Variants in CENPF observed in about 807,000 individuals in gnomAD.
CENPF encodes the protein AH antigen.
CENPF carries 214 observed loss-of-function variants against 307.3 expected under a neutral mutation model. The observed-to-expected ratio is 0.70, with a 90% CI of 0.62 to 0.78. The LOEUF (loss-of-function observed/expected upper bound fraction) is 0.78, where lower values mean the gene tolerates loss of function less well. CENPF is among the 30% of genes least tolerant of loss of function. CENPF has a pLI of 0.00. For missense variants in CENPF, 3,401 were observed against 3,483.9 expected, an observed-to-expected ratio of 0.98 and a Z score of 0.60; for synonymous variants, 1,259 against 1,270.6, an observed-to-expected ratio of 0.99 and a Z score of 0.19.
rs1170458360 is a variant in CENPF, at chr1:214,656,929, A to G, written c.8486-4A>G. 3 of 1,579,076 alleles carry G rather than the reference A, an allele frequency of 1.9e-6. No individual in the cohort carries two copies. Among genetic ancestry groups the G allele is most frequent in the Non-Finnish European group, 1.7e-6 (2 of 1,162,580 alleles). The stretch of plus-strand genomic sequence containing the variant: ...CACATGATGTGTTGCTTTACTTTGG[A>G]CAGGTACTGTTATGGATACCAAGGT... On this transcript the variant is annotated splice_region_variant and splice_polypyrimidine_tract_variant and intron_variant, in intron 17 of 19. Transcript: ENST00000366955.
Position 214,641,054 on chromosome 1 carries a change from C to G in CENPF, c.2716C>G (p.Leu906Val). 6.4e-7 allele frequency: 1 copy of G among 1,563,176 alleles called. No individual in the cohort carries two copies. The highest frequency in any genetic ancestry group is 8.6e-7 in the Non-Finnish European group (1 of 1,163,408). Residue 906 changes from leucine (L) to valine (V), a missense_variant, in exon 12 of 20, where the codon CTT becomes GTT. Coordinates refer to ENST00000366955, the MANE Select transcript of CENPF (RefSeq NM_016343.4). ...TGTTGTTGCTGAAACCTTAAGTGCCCTTGAGAACAAGGAAAAAGAGCTGCA... is the reference window on the plus strand; with the variant it reads ...TGTTGTTGCTGAAACCTTAAGTGCCGTTGAGAACAAGGAAAAAGAGCTGCA... ...QNVVAETLSA[L>V]ENKEKELQLL...
At chr1:214,639,282 G>T (rs186816669) in intron 11 of CENPF, among the ~76,000 whole-genome samples, 1 of 152,302 alleles carries the variant, frequency 6.6e-6, no homozygotes, top group East Asian at 1.9e-4. Context: ...GGAGTTTGAA[G>T]AAGCTTCCAA....
rs758097490 is a variant in CENPF, at chr1:214,620,930, A to G, written c.849A>G (p.Leu283=). ...NSSSPHLLDQ[L]KAQNQELRNK... is the part of the protein sequence containing the mutation. ...GCAGTCCTCATCTTTTGGATCAATT[A>G]AAAGCGCAGAATCAAGGTAACATTG... The change falls in exon 6 of 20, where the codon TTA becomes TTG. Residue 283 remains leucine (L), a synonymous_variant. Coordinates refer to ENST00000366955, the MANE Select transcript of CENPF (RefSeq NM_016343.4). 8.7e-6 allele frequency: 14 copies of G among 1,608,112 alleles called. No individual in the cohort carries two copies. The highest frequency in any genetic ancestry group is 8.0e-5 in the African/African-American group (6 of 74,544).
Position 214,651,897 on chromosome 1 carries a change from G to T in CENPF, c.8160+11G>T. 1 of 1,587,182 alleles carries T rather than the reference G, an allele frequency of 6.3e-7. No homozygotes were observed. The highest frequency in any genetic ancestry group is 1.4e-5 in the African/African-American group (1 of 73,146). Reference sequence around the variant, plus strand: ...GACACAAACAAACAGGTGAAATGTGGGGTTTGGTTACTGGGGGAGCTGGAG... The same window carrying T: ...GACACAAACAAACAGGTGAAATGTGTGGTTTGGTTACTGGGGGAGCTGGAG... On this transcript the variant is annotated intron_variant, in intron 15 of 19. Transcript: ENST00000366955.
chr1:214,607,008 C>T (rs1261054469), intron 1 of CENPF, among the ~76,000 whole-genome samples: 2 of 152,222 alleles, frequency 1.3e-5, no homozygotes, highest in Admixed American at 1.3e-4. Context: ...TGTCCCCCTC[C>T]CTGGCCTGGA....
In CENPF at chr1:214,609,125, C is replaced by G. The variant is rs1308909463; in HGVS notation, c.-41-4589C>G. Among the ~76,000 whole-genome samples the G allele has an allele frequency of 2.6e-5, 4 of 151,970 alleles. No individual in the cohort carries two copies. In the East Asian group the frequency reaches 7.8e-4, roughly 30 times the overall value. On this transcript the variant is annotated intron_variant, in intron 1 of 19. Transcript: ENST00000366955. Reference sequence around the variant, plus strand: ...GCCCCAGGGCCGCACTCCATGGCGCCTGGCCGCCTGCCCGTGCGTCCGTCG... The same window carrying G: ...GCCCCAGGGCCGCACTCCATGGCGCGTGGCCGCCTGCCCGTGCGTCCGTCG...
At chr1:214,635,834 C>A (rs1193545618) in intron 10 of CENPF, among the ~76,000 whole-genome samples, 2 of 152,170 alleles carry the variant, frequency 1.3e-5, no homozygotes, top group African/African-American at 4.8e-5. Context: ...TCGAGACCAA[C>A]AAACACATAA....
Position 214,652,890 on chromosome 1 carries a change from A to G in CENPF, c.8223A>G (p.Ser2741=), listed in dbSNP as rs754112155. The G allele has an allele frequency of 6.2e-7, 1 of 1,609,464 alleles. No individual in the cohort carries two copies. The highest frequency in any genetic ancestry group is 1.1e-5 in the South Asian group (1 of 89,788). Residue 2741 remains serine, a synonymous_variant, in exon 16 of 20, where the codon TCA becomes TCG. Transcript: ENST00000366955. ...KLTSKEECLS[S]QKLEIDLLKS... ...CTTCTAAAGAAGAATGTCTCAGTTC[A>G]CAGAAGCTGGAGATAGACCTTTTAA...
chr1:214,647,534 A>T (rs1462972768), intron 13 of CENPF, 134 bp downstream of exon 13: 1 of 998,400 alleles, frequency 1.0e-6, no homozygotes, highest in Non-Finnish European at 1.4e-6. Context: ...TAAAGGCTTT[A>T]TGTTTACTGG....
At chr1:214,609,564 C>T (rs115506694) in intron 1 of CENPF, among the ~76,000 whole-genome samples, 3,103 of 152,200 alleles carry the variant, frequency 0.02, 45 homozygotes, top group African/African-American at 0.043. Flanking sequence ...ACCTGAAAAC[C>T]TTATGGCAAA....
rs1657523717 is a variant in CENPF, at chr1:214,622,158, T to G, written c.945T>G (p.Phe315Leu). Residue 315 changes from phenylalanine to leucine, a missense_variant, in exon 7 of 20, where the codon TTT (phenylalanine) becomes TTG (leucine). Phe to Leu is a conservative substitution (Grantham distance 22). Transcript: ENST00000366955. ...AAATGAAAGGCCAAGTGAATAAGTT[T>G]CAAGAACTCCAACTCCAACTGGAGA... ...EKEMKGQVNKFQELQLQLEKA... is the reference protein window; with the variant it reads ...EKEMKGQVNKLQELQLQLEKA... 2.5e-6 allele frequency: 4 copies of G among 1,614,032 alleles called. No homozygotes were observed. Among genetic ancestry groups the G allele is most frequent in the Non-Finnish European group, 3.4e-6 (4 of 1,179,976 alleles).
At position 214,645,458 on chromosome 1, in the gene CENPF, T is replaced by C. The variant is rs200344014; in HGVS notation, c.5888T>C (p.Leu1963Pro). The change falls in exon 13 of 20, where the codon CTT becomes CCT. Residue 1963 changes from leucine to proline, a missense_variant. Transcript: ENST00000366955. ...GTGGTCACAAGTGAGAGAAACCAGC[T>C]TCGTGGAGAATTAGATACTATGTCA... The part of the protein sequence containing the change: ...LSVVTSERNQ[L>P]RGELDTMSKK... The C allele has an allele frequency of 6.2e-7, 1 of 1,613,836 alleles. No individual in the cohort carries two copies. Among genetic ancestry groups the C allele is most frequent in the Non-Finnish European group, 8.5e-7 (1 of 1,179,978 alleles).
intron 10 of CENPF, among the ~76,000 whole-genome samples, chr1:214,635,263 A>G (rs1657926712): frequency 6.6e-6 from 1 of 152,254 alleles, no homozygotes; most frequent in Non-Finnish European, 1.5e-5. Flanking sequence ...CAGGGGACGT[A>G]TTAAGCTATA....
chr1:214,660,602 C>T (rs576162373), intron 19 of CENPF, among the ~76,000 whole-genome samples: 3 of 152,136 alleles, frequency 2.0e-5, no homozygotes, highest in Non-Finnish European at 2.9e-5. Flanking sequence ...TTTAGGGTCC[C>T]GATATGGGCC....
chr1:214,646,547 A>T lies in CENPF; in HGVS notation c.6977A>T (p.Glu2326Val). The T allele has an allele frequency of 6.2e-7, 1 of 1,614,138 alleles. No individual in the cohort carries two copies. Among genetic ancestry groups the T allele is most frequent in the South Asian group, 1.1e-5 (1 of 91,088 alleles). The change falls in exon 13 of 20, where the codon GAA (glutamate) becomes GTA (valine). Residue 2326 changes from glutamate (E) to valine (V), a missense_variant. Transcript: ENST00000366955. ...KQLCVLQQLKESEHHADLLKG... is the reference protein window; with the variant it reads ...KQLCVLQQLKVSEHHADLLKG... ...CTCTGTGTCTTACAACAACTGAAGG[A>T]AAGTGAGCATCATGCAGATTTACTT...
chr1:214,636,593 C>A (rs993544398), intron 10 of CENPF, among the ~76,000 whole-genome samples: 1 of 152,196 alleles, frequency 6.6e-6, no homozygotes, highest in Non-Finnish European at 1.5e-5. Context: ...GATTCTCCCT[C>A]TTCTTGAATT....
intron 1 of CENPF, among the ~76,000 whole-genome samples, chr1:214,605,078 T>G (rs1357598039): frequency 6.6e-6 from 1 of 152,196 alleles, no homozygotes; most frequent in Non-Finnish European, 1.5e-5. Flanking sequence ...AACTCTTGCC[T>G]AAGTAACTGG....
In CENPF at chr1:214,644,869, G is replaced by A. The variant is rs186165747; in HGVS notation, c.5299G>A (p.Glu1767Lys). The change falls in exon 13 of 20, where the codon GAA becomes AAA. Residue 1767 changes from glutamate to lysine, a missense_variant. By Grantham distance (56) the Glu-to-Lys change is moderately conservative. Transcript: ENST00000366955. The stretch of plus-strand genomic sequence containing the variant: ...ACCTATGGATTTCCTGGGGAATCAG[G>A]AAGATATCCATAATCTTCAACTGCG... ...LVPMDFLGNQ[E>K]DIHNLQLRVK... 1.9e-6 allele frequency: 3 copies of A among 1,613,922 alleles called. No individual in the cohort carries two copies. In the African/African-American group the frequency reaches 4.0e-5, roughly 22 times the overall value.
intron 14 of CENPF, among the ~76,000 whole-genome samples, chr1:214,649,052 C>G (rs546830189): frequency 1.1e-4 from 17 of 152,330 alleles, no homozygotes; most frequent in Admixed American, 1.1e-3. Flanking sequence ...ATGAAAGTAT[C>G]TGTCTCAGAG....
Sources: allele counts gnomAD v4.1 joint callset (sites outside exome capture counted in the v4.1 genomes callset), GRCh38; gene constraint gnomAD v4.1.1; transcripts MANE v1.5; gene names NCBI Gene and HGNC (gene_info 2026-07-23, HGNC 2026-07-21).